Variants in NUDT3 observed in about 807,000 individuals in gnomAD.
NUDT3 encodes nudix hydrolase 3.
In NUDT3, 9 loss-of-function variants were observed where a neutral mutation model predicts 23.6. That is an observed-to-expected ratio of 0.38 (90% CI 0.23 to 0.66). The LOEUF is 0.66. Ranked by LOEUF, NUDT3 falls within the 30% of genes least tolerant of loss-of-function variation. NUDT3 has a pLI of 0.52. For missense variants in NUDT3, 172 were observed against 218.5 expected, an observed-to-expected ratio of 0.79 and a Z score of 1.34; for synonymous variants, 86 against 82.6, an observed-to-expected ratio of 1.04 and a Z score of -0.22.
At chr6:34,336,898 T>A (rs1302045072) in intron 2 of NUDT3, among the ~76,000 whole-genome samples, 2 of 152,114 alleles carry the variant, frequency 1.3e-5, no homozygotes, top group African/African-American at 4.8e-5. Context: ...AAATAAAAAA[T>A]CAGATCTGAA....
At chr6:34,350,604 CAAT>C (rs758793750) in intron 1 of NUDT3, among the ~76,000 whole-genome samples, 4 of 150,750 alleles carry the variant, frequency 2.7e-5, no homozygotes, top group African/African-American at 9.9e-5. Flanking sequence ...GAAAGTAAAT[CAAT>C]AAATTATCAC....
At chr6:34,336,618 T>C (rs1031254742) in intron 2 of NUDT3, among the ~76,000 whole-genome samples, 2 of 152,162 alleles carry the variant, frequency 1.3e-5, no homozygotes, top group Non-Finnish European at 2.9e-5. Context: ...GCTTTTGAGG[T>C]CTTACCTATA....
chr6:34,363,648 T>G (rs1581891400), intron 1 of NUDT3, among the ~76,000 whole-genome samples: 1 of 152,202 alleles, frequency 6.6e-6, no homozygotes, highest in Non-Finnish European at 1.5e-5. Flanking sequence ...CATTTCTACC[T>G]TTCCCATGTC....
chr6:34,358,697 C>T (rs138120131), intron 1 of NUDT3, among the ~76,000 whole-genome samples: 9 of 152,252 alleles, frequency 5.9e-5, no homozygotes, highest in East Asian at 1.9e-4. Flanking sequence ...ATGAAACCCA[C>T]GCCTCACAGG....
chr6:34,375,775 G>A (rs373600712), intron 1 of NUDT3, among the ~76,000 whole-genome samples: 24 of 152,040 alleles, frequency 1.6e-4, no homozygotes, highest in Admixed American at 7.2e-4. Flanking sequence ...AAATCCACAC[G>A]TCCATCTTAC....
rs546058656 is a variant in NUDT3, at chr6:34,310,741, G to A, written c.211-15056C>T. On this transcript the variant is annotated intron_variant, in intron 2 of 4. Coordinates refer to ENST00000607016, the MANE Select transcript of NUDT3 (RefSeq NM_006703.4). ...CCAAAACAGGACAAATACATCACAA[G>A]AAAACTACAGACCAATATCTTGTAG... 1.7e-3 allele frequency among the ~76,000 whole-genome samples: 263 copies of A among 152,216 alleles called. 2 individuals are homozygous for A. Among genetic ancestry groups the A allele is most frequent in the Admixed American group, 2.6e-3 (40 of 15,282 alleles).
intron 2 of NUDT3, among the ~76,000 whole-genome samples, chr6:34,336,784 G>A (rs561037649): frequency 5.3e-5 from 8 of 151,608 alleles, no homozygotes; most frequent in South Asian, 2.1e-4. Flanking sequence ...TATATTAAAC[G>A]TATAAATGCA....
At chr6:34,346,088 C>T (rs1268012938) in intron 1 of NUDT3, among the ~76,000 whole-genome samples, 3 of 152,102 alleles carry the variant, frequency 2.0e-5, no homozygotes, top group African/African-American at 7.2e-5. Flanking sequence ...ATTACTAAAT[C>T]ATAAAACTAC....
At chr6:34,362,832 T>A (rs1764671072) in intron 1 of NUDT3, among the ~76,000 whole-genome samples, 1 of 152,210 alleles carries the variant, frequency 6.6e-6, no homozygotes, top group African/African-American at 2.4e-5. Context: ...TTAGTGGATG[T>A]ATTTCTGTTT....
At chr6:34,381,616 A>AT (rs1012848742) in intron 1 of NUDT3, among the ~76,000 whole-genome samples, 1 of 152,122 alleles carries the variant, frequency 6.6e-6, no homozygotes, top group Admixed American at 6.6e-5. Context: ...TTGTCTTACT[A>AT]TTATTAAAGG....
At chr6:34,357,241 T>C (rs1764576527) in intron 1 of NUDT3, among the ~76,000 whole-genome samples, 1 of 152,062 alleles carries the variant, frequency 6.6e-6, no homozygotes, top group Non-Finnish European at 1.5e-5. Flanking sequence ...CTGATAACAG[T>C]TGAAGCTGAC....
chr6:34,306,413 G>A (rs1763678907), intron 2 of NUDT3, among the ~76,000 whole-genome samples: 2 of 152,236 alleles, frequency 1.3e-5, no homozygotes, highest in South Asian at 4.1e-4. Flanking sequence ...GTAGTTTAAC[G>A]ATTGTGGAAT....
chr6:34,369,830 G>C (rs1384353876), intron 1 of NUDT3, among the ~76,000 whole-genome samples: 3 of 152,126 alleles, frequency 2.0e-5, no homozygotes, highest in Non-Finnish European at 2.9e-5. Context: ...GCAGCTGGCT[G>C]GTAGAAACTC....
chr6:34,311,226 T>A (rs1331036563), intron 2 of NUDT3, among the ~76,000 whole-genome samples: 1 of 152,214 alleles, frequency 6.6e-6, no homozygotes, highest in African/African-American at 2.4e-5. Flanking sequence ...ACAATTAGCT[T>A]GTTTTTAGGC....
At chr6:34,312,406 A>G (rs1054634023) in intron 2 of NUDT3, among the ~76,000 whole-genome samples, 6 of 151,928 alleles carry the variant, frequency 3.9e-5, no homozygotes, top group Admixed American at 1.3e-4. Flanking sequence ...ATCACCAAAA[A>G]AAAAAAAAAA....
In NUDT3 at chr6:34,385,359, G is replaced by A. The variant is rs189508594; in HGVS notation, c.99+6905C>T. ...TCCCAGCACTTTGGGAGGCCGAGGC[G>A]GGCGGATCACCTGAGGTCGGGAGTT... On this transcript the variant is annotated intron_variant, in intron 1 of 4. Coordinates refer to ENST00000607016, the MANE Select transcript of NUDT3 (RefSeq NM_006703.4). Among the ~76,000 whole-genome samples the A allele has an allele frequency of 7.7e-3, 1,165 of 152,128 alleles. 8 individuals are homozygous for A. The highest frequency in any genetic ancestry group is 0.02 in the South Asian group (98 of 4,822).
rs1052157058 is a variant in NUDT3 at position 34,378,070 on chromosome 6, A to T, written c.99+14194T>A. 7.2e-5 allele frequency among the ~76,000 whole-genome samples: 11 copies of T among 151,854 alleles called. No homozygotes were observed. In the South Asian group the frequency reaches 1.5e-3, roughly 20 times the overall value. ...ACCTATAATCCCAGCACTTTGGGAG[A>T]TCTAGGCAGGAAGACTGCTTGATCC... On this transcript the variant is annotated intron_variant, in intron 1 of 4. Coordinates refer to ENST00000607016, the MANE Select transcript of NUDT3 (RefSeq NM_006703.4).
At chr6:34,336,968 C>G (rs1019079453) in intron 2 of NUDT3, among the ~76,000 whole-genome samples, 1 of 152,262 alleles carries the variant, frequency 6.6e-6, no homozygotes, top group South Asian at 2.1e-4. Context: ...ACAAAAGCTT[C>G]CCTTCAAGGA....
At chr6:34,371,788 C>T (rs1189594349) in intron 1 of NUDT3, among the ~76,000 whole-genome samples, 1 of 152,120 alleles carries the variant, frequency 6.6e-6, no homozygotes, top group Non-Finnish European at 1.5e-5. Context: ...AGTACATGTA[C>T]ACAACGTGCA....
Sources: allele counts gnomAD v4.1 joint callset (sites outside exome capture counted in the v4.1 genomes callset), GRCh38; gene constraint gnomAD v4.1.1; transcripts MANE v1.5; gene names NCBI Gene and HGNC (gene_info 2026-07-23, HGNC 2026-07-21).